Variants in DNAJC12 observed in about 807,000 individuals in gnomAD.
The protein encoded by DNAJC12 is dnaJ homolog subfamily C member 12.
In DNAJC12, 25 loss-of-function variants were observed where a neutral mutation model predicts 28.5. That is an observed-to-expected ratio of 0.88 (90% confidence interval 0.64 to 1.22). DNAJC12 has a LOEUF of 1.22. Ranked by LOEUF, DNAJC12 falls within the 50% of genes most tolerant of loss-of-function variation. The pLI, the probability that DNAJC12 is intolerant of heterozygous loss-of-function variation, is 0.00. For synonymous variants in DNAJC12, 77 were observed against 80.6 expected (o/e 0.95, Z 0.24); for missense variants, 222 against 231.7 (o/e 0.96, Z 0.27).
chr10:67,824,248 A>C (rs892461926), intron 1 of DNAJC12, among the ~76,000 whole-genome samples: 2 of 151,830 alleles, frequency 1.3e-5, no homozygotes, highest in African/African-American at 4.8e-5. Flanking sequence ...AAAAAAAAAA[A>C]AAAAAATATT....
intron 3 of DNAJC12, among the ~76,000 whole-genome samples, chr10:67,810,632 C>T (rs1044461393): frequency 6.6e-6 from 1 of 152,172 alleles, no homozygotes; most frequent in African/African-American, 2.4e-5. Context: ...ACAATCTAGC[C>T]AGGTGCGATG....
At chr10:67,816,155 T>G (rs951338960) in intron 2 of DNAJC12, 18 of 398,164 alleles carry the variant, frequency 4.5e-5, no homozygotes, top group Non-Finnish European at 7.1e-5. Flanking sequence ...AGAGGTTATT[T>G]TAAATTCATA....
rs192957417 is a variant in DNAJC12, at chr10:67,802,010, C to T, written c.502+3573G>A. On this transcript the variant is annotated intron_variant, in intron 4 of 4. Transcript: ENST00000225171. ...CCAAGTAGCTGGAACTACAGGCGCA[C>T]GCCAGCATACCTAGCTAATGGTTTT... 8.6e-4 allele frequency among the ~76,000 whole-genome samples: 131 copies of T among 151,770 alleles called. 1 individual carries two copies. The highest frequency in any genetic ancestry group is 3.4e-3 in the Middle Eastern group (1 of 294).
At chr10:67,812,323 C>T (rs978272858) in intron 2 of DNAJC12, among the ~76,000 whole-genome samples, 5 of 152,044 alleles carry the variant, frequency 3.3e-5, no homozygotes, top group Non-Finnish European at 5.9e-5. Context: ...TCAACCAGGG[C>T]CTGAGATGTC....
intron 3 of DNAJC12, among the ~76,000 whole-genome samples, 170 bp from the exon 4 acceptor site, chr10:67,805,957 T>C (rs1841796520): frequency 2.0e-5 from 3 of 152,238 alleles, no homozygotes; most frequent in South Asian, 4.1e-4. Flanking sequence ...TATTAATTAA[T>C]CCAACTATTA....
chr10:67,815,508 C>CAAAAAAAAAAAAAAAA (rs762037586), intron 2 of DNAJC12, among the ~76,000 whole-genome samples: 13 of 65,698 alleles, frequency 2.0e-4, no homozygotes, highest in African/African-American at 4.3e-4. Context: ...TACTTCGTCT[C>CAAAAAAAAAAAAAAAA]AAAAAAAAAA....
At chr10:67,810,192 TA>T in intron 3 of DNAJC12, among the ~76,000 whole-genome samples, 1 of 151,944 alleles carries the variant, frequency 6.6e-6, no homozygotes, top group East Asian at 1.9e-4. Context: ...CACATACTTT[TA>T]AACCATCAGA....
chr10:67,823,265 T>C, intron 2 of DNAJC12, 49 bp downstream of exon 2: 1 of 1,496,888 alleles, frequency 6.7e-7, no homozygotes, highest in African/African-American at 1.4e-5. Flanking sequence ...GGCTTTTGGT[T>C]CTATATACTA....
At chr10:67,800,827 C>T (rs1841735803) in intron 4 of DNAJC12, among the ~76,000 whole-genome samples, 1 of 151,858 alleles carries the variant, frequency 6.6e-6, no homozygotes, top group African/African-American at 2.4e-5. Flanking sequence ...TGCCGTAATC[C>T]CAGCTACTTG....
intron 2 of DNAJC12, among the ~76,000 whole-genome samples, chr10:67,819,723 G>A (rs866920753): frequency 0.037 from 842 of 23,040 alleles, 57 homozygotes; most frequent in African/African-American, 0.05. Flanking sequence ...AGGAAGCAAG[G>A]AAGGAAGGAA....
rs1841680894 is a variant in DNAJC12, at chr10:67,797,090, T to A, written c.*26A>T. ...GCAGCATAGGGGACAGTCTTGCTCT[T>A]CCTCATTTTTTGAAGCAGAGATATT... is the stretch of plus-strand genomic sequence containing the variant. On this transcript the variant is annotated 3_prime_UTR_variant, in exon 5 of 5. Coordinates refer to ENST00000225171, the MANE Select transcript of DNAJC12 (RefSeq NM_021800.3). 1 of 1,583,984 alleles carries A rather than the reference T, an allele frequency of 6.3e-7. No individual in the cohort carries two copies. The highest frequency in any genetic ancestry group is 1.3e-5 in the African/African-American group (1 of 74,198).
chr10:67,806,530 AAAAAG>A (rs1841802014), intron 3 of DNAJC12, among the ~76,000 whole-genome samples: 1 of 152,194 alleles, frequency 6.6e-6, no homozygotes, highest in Admixed American at 6.5e-5. Context: ...CCCTAACAAG[AAAAAG>A]AAAAGAGGCT....
chr10:67,835,705 G>T (rs1842135586), intron 1 of DNAJC12, among the ~76,000 whole-genome samples: 1 of 121,666 alleles, frequency 8.2e-6, no homozygotes, highest in African/African-American at 3.2e-5. Flanking sequence ...ACAAAAAAAA[G>T]AGAGAAAAAA....
At chr10:67,825,477 G>A (rs1842020224) in intron 1 of DNAJC12, 1 of 152,184 alleles carries the variant, frequency 6.6e-6, no homozygotes, top group Non-Finnish European at 1.5e-5. Flanking sequence ...TATTGATGCT[G>A]AACTTAGTGT....
chr10:67,825,800 C>T (rs1234500394), intron 1 of DNAJC12, among the ~76,000 whole-genome samples: 1 of 152,138 alleles, frequency 6.6e-6, no homozygotes, highest in Non-Finnish European at 1.5e-5. Context: ...CTGAGAACAC[C>T]TTCGAATAAT....
intron 2 of DNAJC12, among the ~76,000 whole-genome samples, chr10:67,814,660 C>A (rs1841896436): frequency 6.6e-6 from 1 of 152,078 alleles, no homozygotes; most frequent in South Asian, 2.1e-4. Flanking sequence ...ATTTACAACT[C>A]AATAATAAGA....
intron 1 of DNAJC12, among the ~76,000 whole-genome samples, chr10:67,832,071 G>A (rs972494259): frequency 6.6e-6 from 1 of 152,088 alleles, no homozygotes; most frequent in Non-Finnish European, 1.5e-5. Flanking sequence ...TCTGAGACCG[G>A]CCTGACCAAC....
At chr10:67,814,116 A>G (rs1264269989) in intron 2 of DNAJC12, among the ~76,000 whole-genome samples, 1 of 152,106 alleles carries the variant, frequency 6.6e-6, no homozygotes, top group East Asian at 1.9e-4. Context: ...TTATACTACA[A>G]AGCTACAGTA....
chr10:67,820,577 T>C (rs919181100), intron 2 of DNAJC12, among the ~76,000 whole-genome samples: 12 of 152,086 alleles, frequency 7.9e-5, no homozygotes, highest in African/African-American at 2.7e-4. Context: ...CACTTATTAT[T>C]TGCTCATAGT....
Sources: allele counts gnomAD v4.1 joint callset (sites outside exome capture counted in the v4.1 genomes callset), GRCh38; gene constraint gnomAD v4.1.1; transcripts MANE v1.5; gene names NCBI Gene and HGNC (gene_info 2026-07-23, HGNC 2026-07-21).